SLC12A7: variants seen among roughly 807,000 people sequenced by gnomAD.
The protein encoded by SLC12A7 is K-Cl cotransporter 4.
Under a neutral mutation model 120.6 loss-of-function variants are expected in SLC12A7, and 100 were observed. That is an observed-to-expected ratio of 0.83 (90% confidence interval 0.71 to 0.98). SLC12A7 has a LOEUF of 0.98. Ranked by LOEUF, SLC12A7 falls within the 50% of genes least tolerant of loss-of-function variation. The probability of loss-of-function intolerance (pLI) is 0.00; values close to 1 mark genes in which losing one functional copy is unlikely to be tolerated. For synonymous variants in SLC12A7, 760 were observed against 678.0 expected, an observed-to-expected ratio of 1.12 and a Z score of -1.88; for missense variants, 1,373 against 1,548.1, an observed-to-expected ratio of 0.89 and a Z score of 1.90.
chr5:1,066,141 C>A (rs1737028793), intron 17 of SLC12A7, among the ~76,000 whole-genome samples: 1 of 152,154 alleles, frequency 6.6e-6, no homozygotes, highest in Non-Finnish European at 1.5e-5. Context: ...GGCCCTGGAA[C>A]CCCAGGGCCT....
intron 4 of SLC12A7, 93 bp from the exon 5 acceptor site, chr5:1,088,453 GC>G (rs926331586): frequency 1.5e-6 from 2 of 1,355,094 alleles, no homozygotes; most frequent in African/African-American, 2.9e-5. Flanking sequence ...CCCGGCTCCC[GC>G]CGAATGCCAG....
chr5:1,132,618 C>G, the SLC12A7 span, among the ~76,000 whole-genome samples: 2 of 152,148 alleles, frequency 1.3e-5, no homozygotes, highest in Non-Finnish European at 2.9e-5. Flanking sequence ...ATGAAGAACC[C>G]TTGCCTGCCT....
intron 22 of SLC12A7, among the ~76,000 whole-genome samples, chr5:1,055,748 G>C (rs1321483629): frequency 6.6e-6 from 1 of 152,240 alleles, no homozygotes; most frequent in East Asian, 1.9e-4. Context: ...CCCTACTCCT[G>C]GGTCTACGTC....
At chr5:1,137,741 G>C in the SLC12A7 span, among the ~76,000 whole-genome samples, 1 of 152,242 alleles carries the variant, frequency 6.6e-6, no homozygotes, top group African/African-American at 2.4e-5. Context: ...GCCTCTGCAG[G>C]TCAGGCCCTC....
chr5:1,089,868 G>C (rs1219909180), intron 3 of SLC12A7, among the ~76,000 whole-genome samples: 1 of 151,544 alleles, frequency 6.6e-6, no homozygotes, highest in East Asian at 1.9e-4. Flanking sequence ...GGCCAGGCTG[G>C]GGTAGAAGTT....
the SLC12A7 span, among the ~76,000 whole-genome samples, chr5:1,120,099 C>T: frequency 1.3e-5 from 2 of 152,260 alleles, no homozygotes; most frequent in Non-Finnish European, 2.9e-5. Flanking sequence ...CTGAGGGGAC[C>T]CTCCACGGCC....
At chr5:1,135,114 A>G in the SLC12A7 span, among the ~76,000 whole-genome samples, 266 of 152,342 alleles carry the variant, frequency 1.7e-3, no homozygotes, top group African/African-American at 6.1e-3. Context: ...GCGACAGGGC[A>G]AGACTCCATC....
intron 3 of SLC12A7, among the ~76,000 whole-genome samples, chr5:1,092,040 C>T (rs1196217689): frequency 1.3e-5 from 2 of 152,212 alleles, no homozygotes; most frequent in Admixed American, 1.3e-4. Flanking sequence ...ACAGCCAGGG[C>T]TGAGGGCCCT....
chr5:1,155,258 A>AG, the SLC12A7 span, among the ~76,000 whole-genome samples: 7 of 152,000 alleles, frequency 4.6e-5, no homozygotes, highest in African/African-American at 1.7e-4. Context: ...ATCAGATCAC[A>AG]GCCCCGCCCA....
At chr5:1,092,482 A>G (rs1233230721) in intron 3 of SLC12A7, among the ~76,000 whole-genome samples, 1 of 152,194 alleles carries the variant, frequency 6.6e-6, no homozygotes, top group Non-Finnish European at 1.5e-5. Flanking sequence ...TGGCACTACA[A>G]AACCCTCCCT....
rs1257888484 is a variant in SLC12A7, at chr5:1,079,357, G to C, written c.1396+41C>G. The C allele has an allele frequency of 3.3e-6, 5 of 1,521,136 alleles. No individual in the cohort carries two copies. The East Asian group carries it at 1.1e-4, about 34-fold the overall frequency. 94.2% of individuals were successfully genotyped at this position (1,521,136 alleles called of 1,614,324 possible). A position where few individuals can be genotyped will look rare whatever the true frequency, so the allele number is the denominator to read the frequency against. ...GGGAGGGCATGGGGGCCTCCCCCCA[G>C]GCAGAGGCTGGAACCCTCGCCTGCA... On this transcript the variant is annotated intron_variant, in intron 10 of 23. Coordinates refer to ENST00000264930, the MANE Select transcript of SLC12A7 (RefSeq NM_006598.3).
intron 22 of SLC12A7, among the ~76,000 whole-genome samples, chr5:1,055,470 G>C (rs930584685): frequency 3.9e-5 from 6 of 152,236 alleles, no homozygotes; most frequent in Admixed American, 3.3e-4. Flanking sequence ...GAAGAGGTCA[G>C]GGCCGACCTC....
intron 8 of SLC12A7, among the ~76,000 whole-genome samples, chr5:1,082,380 TTCTGGAAAGTCCAGGCTTCCCGTCTCG>T: frequency 7.2e-6 from 1 of 138,812 alleles, no homozygotes. Flanking sequence ...CCGTCTCGGG[TTCTGGAAAGTCCAGGCTTCCCGTCTCG>T]GGTTCTGGAA....
At position 1,076,711 on chromosome 5, in the gene SLC12A7, C is replaced by G. The variant is rs964687785; in HGVS notation, c.1731G>C (p.Val577=). The G allele has an allele frequency of 6.2e-7, 1 of 1,611,052 alleles. No individual in the cohort carries two copies. The highest frequency in any genetic ancestry group is 1.3e-5 in the African/African-American group (1 of 75,010). The change falls in exon 13 of 24, where the codon GTG becomes GTC. Residue 577 remains valine, a synonymous_variant. Coordinates refer to ENST00000264930, the MANE Select transcript of SLC12A7 (RefSeq NM_006598.3). ...GGGCTCACATGGAGAGGATCGGGGC[C>G]ACGCTGTCCAGAGAGGCGATGAGGA... ...TGILIASLDS[V]APILSMFFLM...
rs1740781351 is a variant in SLC12A7, at chr5:1,093,647, C to T, written c.228G>A (p.Met76Ile). Residue 76 changes from methionine to isoleucine, a missense_variant, in exon 3 of 24, where the codon ATG (methionine) becomes ATA (isoleucine). Physicochemically the swap from Met to Ile is conservative, Grantham distance 10. Coordinates refer to ENST00000264930, the MANE Select transcript of SLC12A7 (RefSeq NM_006598.3). ...GKNMALFEEEMDSNPMVSSLL... is the reference protein window; with the variant it reads ...GKNMALFEEEIDSNPMVSSLL... ...GCGAGGACACCATGGGGTTACTGTC[C>T]ATCTCCTCCTGCGCGGCGTGGACAT... The T allele has an allele frequency of 1.2e-6, 2 of 1,612,876 alleles. No individual in the cohort carries two copies. The highest frequency in any genetic ancestry group is 2.7e-5 in the African/African-American group (2 of 74,944).
At chr5:1,120,778 G>A in the SLC12A7 span, among the ~76,000 whole-genome samples, 1 of 152,188 alleles carries the variant, frequency 6.6e-6, no homozygotes, top group Non-Finnish European at 1.5e-5. Flanking sequence ...CAGGGCAGGA[G>A]GAGGTCGGCA....
At chr5:1,140,357 C>T in the SLC12A7 span, among the ~76,000 whole-genome samples, 2 of 152,236 alleles carry the variant, frequency 1.3e-5, no homozygotes, top group African/African-American at 4.8e-5. Context: ...GCACACACAG[C>T]CACACCTGCG....
rs546044189 is a variant in SLC12A7 at position 1,064,760 on chromosome 5, T to C, written c.2438-508A>G. On this transcript the variant is annotated intron_variant, in intron 18 of 23. Coordinates refer to ENST00000264930, the MANE Select transcript of SLC12A7 (RefSeq NM_006598.3). ...CAGCGAGGGGACGGCGAGGAGACGG[T>C]GAAGGGACAGCAAGGGGACGGTGAG... is the stretch of plus-strand genomic sequence containing the variant. 2.4e-4 allele frequency among the ~76,000 whole-genome samples: 23 copies of C among 96,744 alleles called. No homozygotes were observed. The East Asian group carries it at 5.5e-3, about 23-fold the overall frequency. The allele number at this position is 96,744 out of a possible 152,430, so 63.5% of individuals were successfully genotyped here.
intron 10 of SLC12A7, among the ~76,000 whole-genome samples, chr5:1,079,185 T>C (rs2150841083): frequency 6.6e-6 from 1 of 152,276 alleles, no homozygotes; most frequent in East Asian, 1.9e-4. Flanking sequence ...CTGCTTCTGT[T>C]TTCTCTACGA....
Sources: gnomAD v4.1 joint callset for allele counts (sites outside exome capture counted in the v4.1 genomes callset) on GRCh38, gnomAD v4.1.1 for gene constraint, MANE v1.5 for transcripts, NCBI Gene and HGNC (gene_info 2026-07-23, HGNC 2026-07-21) for gene names.